The following HECW1 variants were observed in gnomAD, a reference collection of about 807,000 sequenced individuals.
HECW1 encodes HECT, C2 and WW domain containing E3 ubiquitin protein ligase 1.
HECW1 carries 61 observed loss-of-function variants against 182.3 expected under a neutral mutation model. The ratio of observed to expected loss-of-function variants is 0.33; its 90% confidence interval spans 0.27 to 0.41. The LOEUF (loss-of-function observed/expected upper bound fraction) is 0.41, where lower values mean the gene tolerates loss of function less well. HECW1 is among the 10% of genes least tolerant of loss of function. The pLI is 1.00. For missense variants in HECW1, 1,739 were observed against 2,108.9 expected, an observed-to-expected ratio of 0.82 and a Z score of 3.44; for synonymous variants, 859 against 832.6, an observed-to-expected ratio of 1.03 and a Z score of -0.55.
intron 3 of HECW1, among the ~76,000 whole-genome samples, chr7:43,303,616 A>G (rs186577042): frequency 1.3e-5 from 2 of 152,282 alleles, no homozygotes; most frequent in South Asian, 2.1e-4. Context: ...TTTTTCAAAG[A>G]AAAGAAGCCC....
At chr7:43,442,052 G>GGCA (rs1026371311) in intron 9 of HECW1, among the ~76,000 whole-genome samples, 12 of 152,210 alleles carry the variant, frequency 7.9e-5, no homozygotes, top group African/African-American at 2.4e-4. Context: ...TCGTGAAGCT[G>GGCA]GCAGCAGCAG....
At chr7:43,513,419 C>A (rs909235494) in intron 24 of HECW1, among the ~76,000 whole-genome samples, 7 of 152,198 alleles carry the variant, frequency 4.6e-5, no homozygotes, top group African/African-American at 1.7e-4. Context: ...AATGGAGAAA[C>A]CCCTGACAGT....
intron 4 of HECW1, among the ~76,000 whole-genome samples, chr7:43,319,393 CAAAAA>C (rs529109893): frequency 1.5e-5 from 1 of 67,714 alleles, no homozygotes; most frequent in African/African-American, 4.1e-5. Context: ...GACTCCGTCT[CAAAAA>C]AAAAAAAAAA....
intron 2 of HECW1, among the ~76,000 whole-genome samples, chr7:43,223,972 C>A (rs1797204931): frequency 6.6e-6 from 1 of 152,226 alleles, no homozygotes; most frequent in African/African-American, 2.4e-5. Context: ...TTTCAACAGC[C>A]TCCCATCCCC....
At position 43,563,359 on chromosome 7, in the gene HECW1, G is replaced by A. The variant is rs776729463; in HGVS notation, c.*1433G>A. ...AATGGTCATTTGCTATTTTTCTAAC[G>A]TTGTTATCCATGTTGCCTGAAATAG... On this transcript the variant is annotated 3_prime_UTR_variant, in exon 30 of 30. Transcript: ENST00000395891. The A allele has an allele frequency of 1.5e-5, 3 of 206,368 alleles. No individual in the cohort carries two copies. In the Admixed American group the frequency reaches 1.8e-4, roughly 12 times the overall value. The allele number at this position is 206,368 out of a possible 1,614,324, so 12.8% of individuals were successfully genotyped here.
intron 16 of HECW1, among the ~76,000 whole-genome samples, chr7:43,470,382 G>T (rs2077971058): frequency 6.6e-6 from 1 of 152,194 alleles, no homozygotes; most frequent in African/African-American, 2.4e-5. Context: ...ACACACCAAT[G>T]TGAACAGTTT....
chr7:43,549,115 C>T (rs2081691431), intron 26 of HECW1, among the ~76,000 whole-genome samples: 1 of 152,168 alleles, frequency 6.6e-6, no homozygotes, highest in Admixed American at 6.5e-5. Flanking sequence ...AACACACAGC[C>T]CATCCCTTCA....
At chr7:43,476,701 A>G (rs1438830250) in intron 16 of HECW1, among the ~76,000 whole-genome samples, 1 of 152,182 alleles carries the variant, frequency 6.6e-6, no homozygotes, top group Admixed American at 6.5e-5. Flanking sequence ...TAATAAAACA[A>G]TAGGAAATGA....
chr7:43,331,613 G>A (rs1278337179), intron 5 of HECW1, among the ~76,000 whole-genome samples: 3 of 151,794 alleles, frequency 2.0e-5, no homozygotes, highest in Non-Finnish European at 2.9e-5. Flanking sequence ...AAAAGATCAG[G>A]GTGAGCTTGC....
intron 28 of HECW1, 28 bp downstream of exon 28, chr7:43,552,364 A>C (rs1217445295): frequency 8.0e-7 from 1 of 1,246,172 alleles, no homozygotes; most frequent in Admixed American, 1.7e-5. Flanking sequence ...GTAATGATGC[A>C]ATGATCACAA....
At chr7:43,144,402 A>G (rs2152636505) in intron 2 of HECW1, among the ~76,000 whole-genome samples, 1 of 152,224 alleles carries the variant, frequency 6.6e-6, no homozygotes, top group South Asian at 2.1e-4. Context: ...GTCACTATGC[A>G]TAGCTCACAC....
intron 2 of HECW1, among the ~76,000 whole-genome samples, chr7:43,142,611 G>A (rs895982791): frequency 6.6e-6 from 1 of 152,162 alleles, no homozygotes; most frequent in Non-Finnish European, 1.5e-5. Flanking sequence ...CACAGGCCTG[G>A]CCCCTCTGTG....
intron 2 of HECW1, among the ~76,000 whole-genome samples, chr7:43,240,414 T>G (rs923965391): frequency 6.6e-6 from 1 of 152,236 alleles, no homozygotes; most frequent in Non-Finnish European, 1.5e-5. Context: ...TGAATGATCT[T>G]GACCTCTTCC....
chr7:43,289,870 G>C (rs1231994726), intron 3 of HECW1, among the ~76,000 whole-genome samples: 2 of 152,186 alleles, frequency 1.3e-5, no homozygotes, highest in Non-Finnish European at 2.9e-5. Flanking sequence ...TCTTGAAGTG[G>C]GGGCTTGCAA....
At chr7:43,298,082 A>G (rs1379668760) in intron 3 of HECW1, among the ~76,000 whole-genome samples, 2 of 152,116 alleles carry the variant, frequency 1.3e-5, no homozygotes, top group Non-Finnish European at 2.9e-5. Flanking sequence ...CTGGGGAAAA[A>G]TAGGAAAAAA....
intron 3 of HECW1, among the ~76,000 whole-genome samples, chr7:43,295,189 CTT>C (rs1805886285): frequency 6.6e-6 from 1 of 152,060 alleles, no homozygotes; most frequent in Non-Finnish European, 1.5e-5. Context: ...AGAGGGACGA[CTT>C]TGAGTTCTGC....
intron 2 of HECW1, among the ~76,000 whole-genome samples, chr7:43,139,874 G>A (rs1170220932): frequency 6.6e-6 from 1 of 152,136 alleles, no homozygotes; most frequent in African/African-American, 2.4e-5. Flanking sequence ...TACTGTCTGG[G>A]TGTCTTAGGT....
intron 2 of HECW1, among the ~76,000 whole-genome samples, chr7:43,177,829 C>A (rs1792409867): frequency 6.6e-6 from 1 of 152,214 alleles, no homozygotes; most frequent in South Asian, 2.1e-4. Context: ...CCAAACCTAT[C>A]CATCTCCTCC....
chr7:43,462,125 C>T lies in HECW1; in HGVS notation c.2652-1535C>T, dbSNP rs148549523. On this transcript the variant is annotated intron_variant, in intron 13 of 29. Transcript: ENST00000395891. ...GCCTCATCTGTGCAGCGAGCATCCC[C>T]GTGCTTTCCCACCTGGGACTGCACT... is the stretch of plus-strand genomic sequence containing the variant. Among the ~76,000 whole-genome samples the T allele has an allele frequency of 2.1e-3, 320 of 152,296 alleles. 1 individual carries two copies. The highest frequency in any genetic ancestry group is 7.3e-3 in the African/African-American group (302 of 41,564).
Sources: gnomAD v4.1 joint callset for allele counts (sites outside exome capture counted in the v4.1 genomes callset) on GRCh38, gnomAD v4.1.1 for gene constraint, MANE v1.5 for transcripts, NCBI Gene and HGNC (gene_info 2026-07-23, HGNC 2026-07-21) for gene names.